SLC25A13: variants seen among roughly 807,000 people sequenced by gnomAD.
SLC25A13 encodes the protein electrogenic aspartate/glutamate antiporter SLC25A13, mitochondrial.
SLC25A13 carries 70 observed loss-of-function variants against 85.5 expected under a neutral mutation model. That is an observed-to-expected ratio of 0.82 (90% CI 0.68 to 1.00). SLC25A13 has a LOEUF of 1.00. Among genes scored for constraint, SLC25A13 ranks in the 50% least tolerant of loss-of-function variants. The pLI, the probability that SLC25A13 is intolerant of heterozygous loss-of-function variation, is 0.00. For missense variants in SLC25A13, 765 were observed against 819.8 expected (o/e 0.93, Z 0.82); for synonymous variants, 259 against 288.7 (o/e 0.90, Z 1.04).
At chr7:96,321,565 A>C (rs1454999746) in intron 1 of SLC25A13, among the ~76,000 whole-genome samples, 1 of 152,138 alleles carries the variant, frequency 6.6e-6, no homozygotes, top group African/African-American at 2.4e-5. Context: ...CGGGGTCAGG[A>C]GCAGGAGCGC....
At chr7:96,194,669 T>C (rs1794995388) in intron 5 of SLC25A13, among the ~76,000 whole-genome samples, 1 of 152,138 alleles carries the variant, frequency 6.6e-6, no homozygotes, top group South Asian at 2.1e-4. Flanking sequence ...TGCTTTAAAG[T>C]ACTCGATCTT....
chr7:96,209,015 A>C, intron 4 of SLC25A13, 38 bp from the exon 5 acceptor site: 3 of 1,607,304 alleles, frequency 1.9e-6, no homozygotes, highest in Non-Finnish European at 2.6e-6. Flanking sequence ...AAACAAAGTA[A>C]ATGAAGTTCT....
At position 96,121,162 on chromosome 7, in the gene SLC25A13, A is replaced by G; in HGVS notation, c.*29T>C. 1 of 1,612,352 alleles carries G rather than the reference A, an allele frequency of 6.2e-7. No individual in the cohort carries two copies. Among genetic ancestry groups the G allele is most frequent in the Non-Finnish European group, 8.5e-7 (1 of 1,178,378 alleles). ...TGTTCTTTACTGCAGTACCCACAAA[A>G]AGACAGCACTATCCCAGGGCTGATC... On this transcript the variant is annotated 3_prime_UTR_variant, in exon 18 of 18. Transcript: ENST00000265631.
chr7:96,260,287 G>T (rs974937865), intron 3 of SLC25A13, among the ~76,000 whole-genome samples: 5 of 151,920 alleles, frequency 3.3e-5, no homozygotes, highest in Non-Finnish European at 7.4e-5. Context: ...AACCTATTTT[G>T]CCAGAAACAA....
At chr7:96,267,307 T>A (rs1293768549) in intron 3 of SLC25A13, among the ~76,000 whole-genome samples, 1 of 152,204 alleles carries the variant, frequency 6.6e-6, no homozygotes, top group Non-Finnish European at 1.5e-5. Context: ...TATATCCTCC[T>A]TCACCTTGTG....
chr7:96,177,807 G>T (rs756118022), intron 11 of SLC25A13, among the ~76,000 whole-genome samples: 2 of 152,116 alleles, frequency 1.3e-5, no homozygotes, highest in Admixed American at 6.5e-5. Context: ...ACTTCTGAGC[G>T]ACTATGTAGT....
intron 5 of SLC25A13, among the ~76,000 whole-genome samples, chr7:96,195,970 C>G (rs1220280584): frequency 6.6e-6 from 1 of 152,172 alleles, no homozygotes; most frequent in Admixed American, 6.5e-5. Context: ...AAGGAAAAGA[C>G]AGTATAACCT....
chr7:96,181,418 T>G (rs1254003790), intron 11 of SLC25A13, among the ~76,000 whole-genome samples: 1 of 152,226 alleles, frequency 6.6e-6, no homozygotes, highest in African/African-American at 2.4e-5. Flanking sequence ...AAACTTGTGG[T>G]GGAGCACTAC....
intron 13 of SLC25A13, among the ~76,000 whole-genome samples, chr7:96,151,252 T>C (rs1265235098): frequency 6.6e-6 from 1 of 152,186 alleles, no homozygotes; most frequent in Non-Finnish European, 1.5e-5. Context: ...CTCTAGCATT[T>C]ATTGAGGCTC....
chr7:96,160,662 C>T (rs976514077), intron 13 of SLC25A13, among the ~76,000 whole-genome samples: 11 of 152,146 alleles, frequency 7.2e-5, no homozygotes, highest in Non-Finnish European at 1.5e-4. Context: ...CTAATCACCC[C>T]CAAAGGTCCC....
At chr7:96,273,875 A>T (rs1798338876) in intron 3 of SLC25A13, among the ~76,000 whole-genome samples, 2 of 152,228 alleles carry the variant, frequency 1.3e-5, no homozygotes, top group Admixed American at 1.3e-4. Context: ...AAAAACAACT[A>T]GATTTTCCAC....
chr7:96,127,128 G>C (rs924323774), intron 15 of SLC25A13, among the ~76,000 whole-genome samples: 2 of 152,074 alleles, frequency 1.3e-5, no homozygotes, highest in African/African-American at 2.4e-5. Context: ...TTATCACTCT[G>C]ATAAAAATCA....
chr7:96,214,115 G>A (rs566668677), intron 4 of SLC25A13, among the ~76,000 whole-genome samples: 1 of 152,194 alleles, frequency 6.6e-6, no homozygotes, highest in African/African-American at 2.4e-5. Flanking sequence ...CATCTTAAAA[G>A]TCTGCCGCAT....
intron 3 of SLC25A13, among the ~76,000 whole-genome samples, chr7:96,246,336 C>T (rs1020614419): frequency 6.6e-6 from 1 of 152,142 alleles, no homozygotes; most frequent in African/African-American, 2.4e-5. Context: ...TTTAAAATAC[C>T]AAAAATTGAT....
chr7:96,153,566 C>T (rs1049003722), intron 13 of SLC25A13, among the ~76,000 whole-genome samples: 3 of 152,224 alleles, frequency 2.0e-5, no homozygotes, highest in Non-Finnish European at 4.4e-5. Flanking sequence ...GGACCCAGAG[C>T]TGCAGGCAGC....
intron 5 of SLC25A13, among the ~76,000 whole-genome samples, chr7:96,200,263 C>T (rs537400048): frequency 1.3e-4 from 20 of 151,872 alleles, no homozygotes; most frequent in African/African-American, 4.4e-4. Flanking sequence ...AATTGTTTAT[C>T]GAAACAGGAA....
Position 96,121,087 on chromosome 7 carries a change from CAA to C in SLC25A13, c.*102_*103del. The C allele has an allele frequency of 7.8e-7, 1 of 1,285,810 alleles. No individual in the cohort carries two copies. The highest frequency in any genetic ancestry group is 1.1e-6 in the Non-Finnish European group (1 of 887,972). The allele number at this position is 1,285,810 out of a possible 1,614,324, so 79.7% of individuals were successfully genotyped here. The stretch of plus-strand genomic sequence containing the variant: ...AAAAAAGCCTGGACTTGAATTTAAA[CAA>C]GAGATGGACGTAAAAGGGATGAAGC... On this transcript the variant is annotated 3_prime_UTR_variant, in exon 18 of 18. Coordinates refer to ENST00000265631, the MANE Select transcript of SLC25A13 (RefSeq NM_014251.3).
chr7:96,317,250 A>AGCC (rs1381674465), intron 1 of SLC25A13, among the ~76,000 whole-genome samples: 7 of 152,032 alleles, frequency 4.6e-5, no homozygotes, highest in African/African-American at 1.2e-4. Flanking sequence ...TATAGGTGTG[A>AGCC]GCCACCGTAC....
intron 2 of SLC25A13, among the ~76,000 whole-genome samples, chr7:96,284,659 G>A (rs1261936660): frequency 6.6e-6 from 1 of 152,184 alleles, no homozygotes; most frequent in African/African-American, 2.4e-5. Flanking sequence ...GGGGCCAGGT[G>A]GAGATAACTG....
Sources: allele counts gnomAD v4.1 joint callset (sites outside exome capture counted in the v4.1 genomes callset), GRCh38; gene constraint gnomAD v4.1.1; transcripts MANE v1.5; gene names NCBI Gene and HGNC (gene_info 2026-07-23, HGNC 2026-07-21).